RMDN3: variants seen among roughly 807,000 people sequenced by gnomAD.
RMDN3 encodes the protein regulator of microtubule dynamics 3.
Under a neutral mutation model 61.8 loss-of-function variants are expected in RMDN3, and 41 were observed. That is an observed-to-expected ratio of 0.66 (90% CI 0.52 to 0.86). The LOEUF is 0.86. Among genes scored for constraint, RMDN3 ranks in the 40% least tolerant of loss-of-function variants. The pLI is 0.00. For missense variants in RMDN3, 557 were observed against 585.3 expected, an observed-to-expected ratio of 0.95 and a Z score of 0.50; for synonymous variants, 247 against 232.0, an observed-to-expected ratio of 1.06 and a Z score of -0.59.
intron 3 of RMDN3, 40 bp from the exon 4 acceptor site, chr15:40,751,609 C>T (rs755219112): frequency 3.1e-6 from 5 of 1,613,402 alleles, no homozygotes. Context: ...CCATTAGGTC[C>T]CATCCAGCTT....
Position 40,744,956 on chromosome 15 carries a change from G to T in RMDN3, c.807+21C>A, listed in dbSNP as rs763043778. 2.7e-5 allele frequency: 43 copies of T among 1,570,752 alleles called. No individual in the cohort carries two copies. The South Asian group carries it at 4.6e-4, about 17-fold the overall frequency. ...GGAGGGAGGGAGGGAAGGAGAAGGAGACAGGCAGCTGGAGCCTCACCACCA... is the reference window on the plus strand; with the variant it reads ...GGAGGGAGGGAGGGAAGGAGAAGGATACAGGCAGCTGGAGCCTCACCACCA... On this transcript the variant is annotated intron_variant, in intron 5 of 12. Transcript: ENST00000338376.
At chr15:40,738,418 GAA>G in intron 8 of RMDN3, 81 bp downstream of exon 8, 4 of 1,358,786 alleles carry the variant, frequency 2.9e-6, no homozygotes, top group Non-Finnish European at 4.2e-6. Flanking sequence ...TGAGGCTGTA[GAA>G]AAGTTTTTGG....
chr15:40,748,298 A>G (rs1383191835), intron 4 of RMDN3, among the ~76,000 whole-genome samples: 1 of 152,142 alleles, frequency 6.6e-6, no homozygotes, highest in Non-Finnish European at 1.5e-5. Context: ...TCCCCCCTTG[A>G]CCTACATGGC....
At chr15:40,736,639 C>A in intron 12 of RMDN3, 45 bp from the exon 13 acceptor site, 1 of 1,576,360 alleles carries the variant, frequency 6.3e-7, no homozygotes, top group South Asian at 1.1e-5. Flanking sequence ...TTTAAACCAG[C>A]ATTTTCCCAA....
chr15:40,744,543 G>C (rs181697715), intron 5 of RMDN3, among the ~76,000 whole-genome samples: 1 of 151,878 alleles, frequency 6.6e-6, no homozygotes, highest in African/African-American at 2.4e-5. Context: ...TATTCTGTCA[G>C]TGAACCTGAC....
chr15:40,747,602 A>G (rs930213183), intron 4 of RMDN3: 6 of 152,278 alleles, frequency 3.9e-5, no homozygotes, highest in Admixed American at 3.9e-4. Context: ...GGAGAAATCT[A>G]CCAGAGAGGA....
At chr15:40,746,332 G>T (rs534165620) in intron 4 of RMDN3, among the ~76,000 whole-genome samples, 1 of 151,948 alleles carries the variant, frequency 6.6e-6, no homozygotes, top group East Asian at 1.9e-4. Flanking sequence ...TGGCTAACAC[G>T]GTGAAACCCT....
chr15:40,746,747 G>A (rs889957774), intron 4 of RMDN3, among the ~76,000 whole-genome samples: 1 of 152,146 alleles, frequency 6.6e-6, no homozygotes, highest in Non-Finnish European at 1.5e-5. Context: ...TTACAGAGGA[G>A]CTTCAGCCTC....
In RMDN3 at chr15:40,737,285, T is replaced by C. The variant is rs768863982; in HGVS notation, c.1278+3A>G. 3.0e-5 allele frequency: 48 copies of C among 1,613,834 alleles called. 1 individual carries two copies. The East Asian group carries it at 3.3e-4, about 11-fold the overall frequency. On this transcript the variant is annotated splice_donor_region_variant and intron_variant, in intron 11 of 12. Transcript: ENST00000338376. ...CTATGTTGAAGTAGACAAATGAGTT[T>C]ACCTTGGAAATATATACCCTTCCTG...
At chr15:40,738,810 A>T (rs1897167852) in intron 7 of RMDN3, 1 of 556,310 alleles carries the variant, frequency 1.8e-6, no homozygotes, top group Admixed American at 3.1e-5. Context: ...TTCTAGGTAT[A>T]AAAAAAGCTG....
At chr15:40,742,650 AT>A (rs1324908378) in intron 6 of RMDN3, among the ~76,000 whole-genome samples, 5 of 152,222 alleles carry the variant, frequency 3.3e-5, no homozygotes, top group African/African-American at 1.2e-4. Flanking sequence ...AAGACATTCC[AT>A]AGTCATCTGA....
At chr15:40,736,733 G>A (rs1897066052) in intron 12 of RMDN3, 139 bp from the exon 13 acceptor site, 2 of 712,190 alleles carry the variant, frequency 2.8e-6, no homozygotes, top group Non-Finnish European at 4.8e-6. Flanking sequence ...AGGATAGCCT[G>A]GAGCCTATTA....
chr15:40,752,451 T>G (rs969280516), intron 2 of RMDN3, among the ~76,000 whole-genome samples: 1 of 151,376 alleles, frequency 6.6e-6, no homozygotes. Context: ...CTTGCCCAAG[T>G]GTGGAACCTG....
At chr15:40,748,206 G>T (rs991771927) in intron 4 of RMDN3, among the ~76,000 whole-genome samples, 2 of 152,150 alleles carry the variant, frequency 1.3e-5, no homozygotes, top group South Asian at 4.1e-4. Context: ...TCAAATCTCA[G>T]CCCTTCATCC....
In RMDN3 at chr15:40,754,851, G is replaced by A. The variant is rs1457991403; in HGVS notation, c.-7-61C>T. The A allele has an allele frequency of 3.6e-6, 5 of 1,374,602 alleles. No homozygotes were observed. The East Asian group carries it at 1.2e-4, about 34-fold the overall frequency. 85.2% of individuals were successfully genotyped at this position (1,374,602 alleles called of 1,614,324 possible). A position where few individuals can be genotyped will look rare whatever the true frequency, so the allele number is the denominator to read the frequency against. On this transcript the variant is annotated intron_variant, in intron 1 of 12. Transcript: ENST00000338376. ...GGGCGGGCGGGCGGGGGTAAGGAGA[G>A]AGAGAGATTCGTGAACCCGGTAAAC...
intron 4 of RMDN3, among the ~76,000 whole-genome samples, chr15:40,751,035 G>A (rs772850695): frequency 2.0e-5 from 3 of 152,162 alleles, no homozygotes; most frequent in Non-Finnish European, 4.4e-5. Context: ...TCACAGGCAA[G>A]GCTCCCCTGT....
At chr15:40,754,541 C>A in intron 2 of RMDN3, 56 bp downstream of exon 2, 1 of 1,515,654 alleles carries the variant, frequency 6.6e-7, no homozygotes, top group Non-Finnish European at 9.0e-7. Flanking sequence ...GAAAGCAGCC[C>A]AGACCTCAGG....
In RMDN3 at chr15:40,744,998, C is replaced by T; in HGVS notation, c.786G>A (p.Leu262=). The change falls in exon 5 of 13, where the codon CTG becomes CTA. Residue 262 remains leucine, a synonymous_variant. Transcript: ENST00000338376. The part of the protein sequence containing the change: ...DEQGKREGFQ[L]LLNNKLVYGS... ...TCACCACCAGCTTGTTGTTGAGCAG[C>T]AGCTGGAAGCCCTCCCGCTTGCCTT... is the stretch of plus-strand genomic sequence containing the variant. 6.2e-7 allele frequency: 1 copy of T among 1,604,656 alleles called. No homozygotes were observed. The highest frequency in any genetic ancestry group is 1.3e-5 in the African/African-American group (1 of 74,694).
At chr15:40,750,368 C>T (rs1267549226) in intron 4 of RMDN3, among the ~76,000 whole-genome samples, 1 of 152,002 alleles carries the variant, frequency 6.6e-6, no homozygotes, top group Non-Finnish European at 1.5e-5. Flanking sequence ...TACAGGCATG[C>T]ACCACCACAC....
Sources: allele counts gnomAD v4.1 joint callset (sites outside exome capture counted in the v4.1 genomes callset), GRCh38; gene constraint gnomAD v4.1.1; transcripts MANE v1.5; gene names NCBI Gene and HGNC (gene_info 2026-07-23, HGNC 2026-07-21).